Variants in APP observed in about 807,000 individuals in gnomAD.
APP encodes the protein amyloid-beta precursor protein.
Under a neutral mutation model 101.4 loss-of-function variants are expected in APP, and 31 were observed. The observed-to-expected ratio is 0.31, with a 90% CI of 0.23 to 0.41. The LOEUF is 0.41. Among genes scored for constraint, APP ranks in the 10% least tolerant of loss-of-function variants. The probability of loss-of-function intolerance (pLI) is 1.00; values close to 1 mark genes in which losing one functional copy is unlikely to be tolerated. For synonymous variants in APP, 366 were observed against 364.4 expected, an observed-to-expected ratio of 1.00 and a Z score of -0.05; for missense variants, 839 against 1,003.7, an observed-to-expected ratio of 0.84 and a Z score of 2.22.
At chr21:26,054,901 G>A (rs2045981551) in intron 3 of APP, among the ~76,000 whole-genome samples, 1 of 152,010 alleles carries the variant, frequency 6.6e-6, no homozygotes, top group Non-Finnish European at 1.5e-5. Flanking sequence ...CCTAAGAAGG[G>A]GAAGGAAGTA....
At chr21:25,918,050 G>A (rs1448009843) in intron 13 of APP, among the ~76,000 whole-genome samples, 1 of 152,232 alleles carries the variant, frequency 6.6e-6, no homozygotes, top group African/African-American at 2.4e-5. Flanking sequence ...TGGCGAGGAT[G>A]CGGAGAAATA....
At chr21:25,958,329 T>G (rs896443257) in intron 11 of APP, among the ~76,000 whole-genome samples, 1 of 152,210 alleles carries the variant, frequency 6.6e-6, no homozygotes, top group Admixed American at 6.5e-5. Flanking sequence ...CAGGCTGGAG[T>G]GCAGTGGCGT....
At chr21:26,127,105 A>C (rs1188637519) in intron 1 of APP, among the ~76,000 whole-genome samples, 2 of 152,170 alleles carry the variant, frequency 1.3e-5, no homozygotes, top group African/African-American at 4.8e-5. Context: ...AAAATGATCA[A>C]AAATAATTTT....
In APP at chr21:25,955,593, A is replaced by G. The variant is rs200290918; in HGVS notation, c.1587+34T>C. On this transcript the variant is annotated intron_variant, in intron 12 of 17. Coordinates refer to ENST00000346798, the MANE Select transcript of APP (RefSeq NM_000484.4). ...CAAGAAGCAAGAATCCTGGATTGTC[A>G]AAGCTGCAGAAGATGATTATACCCC... 8.0e-5 allele frequency: 129 copies of G among 1,613,798 alleles called. 1 individual carries two copies. In the East Asian group the frequency reaches 2.2e-3, roughly 27 times the overall value.
At chr21:26,153,275 A>AC (rs1295911211) in intron 1 of APP, among the ~76,000 whole-genome samples, 1 of 152,202 alleles carries the variant, frequency 6.6e-6, no homozygotes, top group Non-Finnish European at 1.5e-5. Context: ...AACCACTTGT[A>AC]CCCCAAAAGC....
intron 7 of APP, 27 bp from the exon 8 acceptor site, chr21:25,997,443 T>TA: frequency 6.3e-7 from 1 of 1,583,778 alleles, no homozygotes; most frequent in Non-Finnish European, 8.7e-7. Context: ...AGAACATAAC[T>TA]AAAAACAAAA....
rs1027509971 is a variant in APP, at chr21:26,019,492, T to G, written c.865+2348A>C. 2.0e-5 allele frequency among the ~76,000 whole-genome samples: 3 copies of G among 152,202 alleles called. No individual in the cohort carries two copies. In the East Asian group the frequency reaches 5.8e-4, roughly 29 times the overall value. Reference sequence around the variant, plus strand: ...CTCTTACTCTCGGAGGCAGGTTCTGTGTTCACATTTCTTACAACACAGATG... The same window carrying G: ...CTCTTACTCTCGGAGGCAGGTTCTGGGTTCACATTTCTTACAACACAGATG... On this transcript the variant is annotated intron_variant, in intron 6 of 17. Coordinates refer to ENST00000346798, the MANE Select transcript of APP (RefSeq NM_000484.4).
In APP at chr21:25,897,560, T is replaced by C; in HGVS notation, c.2064+13A>G. The C allele has an allele frequency of 6.3e-7, 1 of 1,597,730 alleles. No homozygotes were observed. The highest frequency in any genetic ancestry group is 8.6e-7 in the Non-Finnish European group (1 of 1,165,182). ...ACAAACAGTAGTGGAAAGAGGTAAA[T>C]TATTTTACGTACCAATTTTTGATGA... On this transcript the variant is annotated intron_variant, in intron 16 of 17. Coordinates refer to ENST00000346798, the MANE Select transcript of APP (RefSeq NM_000484.4).
At chr21:26,164,855 CAAA>C (rs75432330) in intron 1 of APP, among the ~76,000 whole-genome samples, 4 of 67,364 alleles carry the variant, frequency 5.9e-5, no homozygotes, top group African/African-American at 6.1e-5. Flanking sequence ...GATTCTGTCT[CAAA>C]AAAAAAAAAA....
rs532943042 is a variant in APP, at chr21:25,994,344, G to A, written c.1090+3016C>T. On this transcript the variant is annotated intron_variant, in intron 8 of 17. Coordinates refer to ENST00000346798, the MANE Select transcript of APP (RefSeq NM_000484.4). ...AAATGAGAAAGGGTTTTTTTTTAAT[G>A]ATTTGAATTCCTATGTTCACGAATA... Among the ~76,000 whole-genome samples, 4 of 152,020 alleles carry A rather than the reference G, an allele frequency of 2.6e-5. No individual in the cohort carries two copies. The East Asian group carries it at 5.8e-4, about 22-fold the overall frequency.
At chr21:25,995,160 G>A (rs1015539038) in intron 8 of APP, among the ~76,000 whole-genome samples, 6 of 152,144 alleles carry the variant, frequency 3.9e-5, no homozygotes, top group Admixed American at 6.6e-5. Context: ...AAATTTATCA[G>A]ACAATGATGC....
At chr21:26,042,656 C>T (rs918866373) in intron 5 of APP, among the ~76,000 whole-genome samples, 1 of 152,184 alleles carries the variant, frequency 6.6e-6, no homozygotes, top group African/African-American at 2.4e-5. Flanking sequence ...AATCTCAACA[C>T]TTTGGGAGGC....
intron 5 of APP, among the ~76,000 whole-genome samples, chr21:26,035,458 C>G (rs959265273): frequency 6.6e-6 from 1 of 151,882 alleles, no homozygotes; most frequent in African/African-American, 2.4e-5. Context: ...GGTGATACTG[C>G]GGAGGTAGGG....
chr21:26,035,426 G>C (rs1167994397), intron 5 of APP, among the ~76,000 whole-genome samples: 2 of 152,168 alleles, frequency 1.3e-5, no homozygotes, highest in African/African-American at 2.4e-5. Flanking sequence ...GCAGGGGAGA[G>C]TCGGGGGAAA....
chr21:25,893,337 AG>A (rs1430127101), intron 16 of APP, among the ~76,000 whole-genome samples: 1 of 152,218 alleles, frequency 6.6e-6, no homozygotes, highest in Non-Finnish European at 1.5e-5. Flanking sequence ...TTCAAGTGAA[AG>A]GAAGAGTCAC....
intron 2 of APP, among the ~76,000 whole-genome samples, chr21:26,110,825 T>A (rs998471090): frequency 1.4e-4 from 22 of 152,184 alleles, no homozygotes; most frequent in Admixed American, 5.2e-4. Context: ...TGCCAGGCTA[T>A]CTGCTGTTTA....
intron 1 of APP, among the ~76,000 whole-genome samples, chr21:26,168,826 A>G (rs2063674124): frequency 6.6e-6 from 1 of 152,210 alleles, no homozygotes; most frequent in Admixed American, 6.5e-5. Context: ...AACTAGCCCT[A>G]AGGTGATTCC....
chr21:26,163,147 A>G (rs2146384749), intron 1 of APP, among the ~76,000 whole-genome samples: 1 of 147,650 alleles, frequency 6.8e-6, no homozygotes, highest in Non-Finnish European at 1.5e-5. Context: ...AGGCTGAGGC[A>G]TGAGAATTGC....
At chr21:25,898,080 A>T (rs1228702652) in intron 15 of APP, 1 of 191,864 alleles carries the variant, frequency 5.2e-6, no homozygotes, top group African/African-American at 2.4e-5. Context: ...AATAATAATA[A>T]AAGGCTTTAA....
Sources: gnomAD v4.1 joint callset for allele counts (sites outside exome capture counted in the v4.1 genomes callset) on GRCh38, gnomAD v4.1.1 for gene constraint, MANE v1.5 for transcripts, NCBI Gene and HGNC (gene_info 2026-07-23, HGNC 2026-07-21) for gene names.